ATXN1: variants seen among roughly 807,000 people sequenced by gnomAD.
ATXN1 encodes the protein ataxin 1.
A neutral mutation model predicts 56.4 loss-of-function variants in ATXN1; 8 were observed. The observed-to-expected ratio is 0.14, with a 90% CI of 0.08 to 0.26. The LOEUF (loss-of-function observed/expected upper bound fraction) is 0.26. Ranked by LOEUF, ATXN1 falls within the 10% of genes least tolerant of loss-of-function variation. The pLI is 1.00. For synonymous variants in ATXN1, 514 were observed against 494.6 expected (o/e 1.04, Z -0.52); for missense variants, 987 against 1,106.5 (o/e 0.89, Z 1.53).
At chr6:16,507,110 C>T (rs1760993730) in intron 5 of ATXN1, among the ~76,000 whole-genome samples, 1 of 152,190 alleles carries the variant, frequency 6.6e-6, no homozygotes, top group Admixed American at 6.5e-5. Context: ...ATTTCAATTA[C>T]TGCATCATAT....
intron 6 of ATXN1, among the ~76,000 whole-genome samples, chr6:16,429,806 C>T (rs1561892687): frequency 6.6e-6 from 1 of 152,176 alleles, no homozygotes; most frequent in Non-Finnish European, 1.5e-5. Flanking sequence ...GGTATTACCA[C>T]CTCCCTCTTG....
intron 3 of ATXN1, among the ~76,000 whole-genome samples, chr6:16,643,731 G>C (rs572617036): frequency 6.6e-6 from 1 of 151,806 alleles, no homozygotes; most frequent in Non-Finnish European, 1.5e-5. Flanking sequence ...AAAATAAAGT[G>C]AGGGGAAATC....
intron 6 of ATXN1, among the ~76,000 whole-genome samples, chr6:16,376,981 TTTCA>T (rs894886693): frequency 6.6e-6 from 1 of 152,014 alleles, no homozygotes; most frequent in Non-Finnish European, 1.5e-5. Flanking sequence ...TTCAAAATGG[TTTCA>T]TTCATTCATT....
intron 6 of ATXN1, among the ~76,000 whole-genome samples, chr6:16,463,874 G>A (rs933628851): frequency 4.6e-5 from 7 of 152,120 alleles, no homozygotes; most frequent in Non-Finnish European, 8.8e-5. Flanking sequence ...CTCCAGGATC[G>A]ATACCATCAA....
rs1760037596 is a variant in ATXN1, at chr6:16,299,784, C to T, written c.*6545G>A. The T allele has an allele frequency of 1.3e-5, 2 of 152,650 alleles. No homozygotes were observed. Among genetic ancestry groups the T allele is most frequent in the Admixed American group, 6.5e-5 (1 of 15,282 alleles). 9.5% of individuals were successfully genotyped at this position (152,650 alleles called of 1,614,324 possible). A position where few individuals can be genotyped will look rare whatever the true frequency, so the allele number is the denominator to read the frequency against. On this transcript the variant is annotated 3_prime_UTR_variant, in exon 8 of 8. Transcript: ENST00000436367. ...TCTTGAAACCTCCTTTCGGCTGACA[C>T]TAATTTGGGTTTAGAGTTGAGCAGT...
intron 6 of ATXN1, among the ~76,000 whole-genome samples, chr6:16,348,713 G>C (rs1761498733): frequency 6.6e-6 from 1 of 152,214 alleles, no homozygotes; most frequent in Non-Finnish European, 1.5e-5. Flanking sequence ...AAAAAATGAA[G>C]ATAGTAATAC....
intron 6 of ATXN1, among the ~76,000 whole-genome samples, chr6:16,365,013 T>G (rs1013014761): frequency 6.6e-6 from 1 of 151,980 alleles, no homozygotes; most frequent in African/African-American, 2.4e-5. Flanking sequence ...CCAGCAAAAG[T>G]GTGACACCTC....
At chr6:16,624,677 G>A (rs1222605310) in intron 3 of ATXN1, among the ~76,000 whole-genome samples, 1 of 152,106 alleles carries the variant, frequency 6.6e-6, no homozygotes, top group Non-Finnish European at 1.5e-5. Context: ...TGCTATAACA[G>A]CACATACTGT....
chr6:16,562,609 C>T (rs909491010), intron 4 of ATXN1, among the ~76,000 whole-genome samples: 1 of 151,990 alleles, frequency 6.6e-6, no homozygotes, highest in African/African-American at 2.4e-5. Flanking sequence ...GGAGTAACCA[C>T]TGAATAAAAG....
intron 5 of ATXN1, among the ~76,000 whole-genome samples, chr6:16,504,495 A>G (rs920319504): frequency 6.6e-6 from 1 of 152,212 alleles, no homozygotes; most frequent in African/African-American, 2.4e-5. Flanking sequence ...AGTGCATATT[A>G]TCATCAGTGA....
chr6:16,443,053 A>G (rs1313453050), intron 6 of ATXN1, among the ~76,000 whole-genome samples: 5 of 151,894 alleles, frequency 3.3e-5, no homozygotes, highest in Admixed American at 3.3e-4. Context: ...ATGGTGGGGC[A>G]CACCTGTAGT....
chr6:16,581,228 CGCGTGT>C (rs1400661265), intron 4 of ATXN1, among the ~76,000 whole-genome samples: 16 of 125,668 alleles, frequency 1.3e-4, no homozygotes, highest in Middle Eastern at 4.3e-3. Context: ...TGTGTGTGCG[CGCGTGT>C]GTGTGTGTGT....
At chr6:16,590,343 ATGAAT>A (rs968975453) in intron 3 of ATXN1, among the ~76,000 whole-genome samples, 10 of 152,380 alleles carry the variant, frequency 6.6e-5, no homozygotes, top group Admixed American at 5.2e-4. Flanking sequence ...AAAAATAAGA[ATGAAT>A]TGTTTACAAA....
chr6:16,544,025 C>T (rs1416693124), intron 4 of ATXN1, among the ~76,000 whole-genome samples: 2 of 152,164 alleles, frequency 1.3e-5, no homozygotes, highest in African/African-American at 4.8e-5. Context: ...GGGTATTGGA[C>T]CATGAAGAGA....
At chr6:16,735,479 G>A (rs1232262270) in intron 2 of ATXN1, among the ~76,000 whole-genome samples, 1 of 152,186 alleles carries the variant, frequency 6.6e-6, no homozygotes, top group African/African-American at 2.4e-5. Context: ...ATGCCCAAAT[G>A]AATGGAGGAA....
At chr6:16,546,294 T>C (rs1241144251) in intron 4 of ATXN1, among the ~76,000 whole-genome samples, 1 of 152,204 alleles carries the variant, frequency 6.6e-6, no homozygotes, top group African/African-American at 2.4e-5. Flanking sequence ...CCTAAGTATT[T>C]CATTAGGAAC....
At chr6:16,469,276 T>C (rs57858152) in intron 6 of ATXN1, among the ~76,000 whole-genome samples, 1 of 152,274 alleles carries the variant, frequency 6.6e-6, no homozygotes, top group African/African-American at 2.4e-5. Context: ...GAAGCAAAAA[T>C]ATAAATAAGT....
intron 6 of ATXN1, among the ~76,000 whole-genome samples, chr6:16,343,506 G>A (rs1761304939): frequency 2.0e-5 from 3 of 151,990 alleles, no homozygotes; most frequent in African/African-American, 7.3e-5. Context: ...TGGACGTCAG[G>A]GCATCCTTTA....
intron 7 of ATXN1, among the ~76,000 whole-genome samples, chr6:16,323,062 C>A (rs1464489693): frequency 6.6e-6 from 1 of 152,216 alleles, no homozygotes; most frequent in East Asian, 1.9e-4. Flanking sequence ...CTCGTCTGCA[C>A]CCTGGCTGTC....
Sources: allele counts gnomAD v4.1 joint callset (sites outside exome capture counted in the v4.1 genomes callset), GRCh38; gene constraint gnomAD v4.1.1; transcripts MANE v1.5; gene names NCBI Gene and HGNC (gene_info 2026-07-23, HGNC 2026-07-21).